Variants in ZFP69 observed in about 807,000 individuals in gnomAD.
ZFP69 encodes the protein zinc finger protein 69 homolog.
A neutral mutation model predicts 48.9 loss-of-function variants in ZFP69; 35 were observed. The ratio of observed to expected loss-of-function variants is 0.72; its 90% CI spans 0.55 to 0.95. The LOEUF (loss-of-function observed/expected upper bound fraction) is 0.95, where lower values mean the gene tolerates loss of function less well. Among genes scored for constraint, ZFP69 ranks in the 40% least tolerant of loss-of-function variants. The probability of loss-of-function intolerance (pLI) is 0.00; values close to 1 mark genes in which losing one functional copy is unlikely to be tolerated. For missense variants in ZFP69, 557 were observed against 638.4 expected (o/e 0.87, Z 1.37); for synonymous variants, 193 against 216.8 (o/e 0.89, Z 0.96).
intron 3 of ZFP69, among the ~76,000 whole-genome samples, chr1:40,483,429 T>C (rs929785122): frequency 2.0e-5 from 3 of 152,054 alleles, no homozygotes; most frequent in African/African-American, 7.2e-5. Flanking sequence ...AGGGTCTTAC[T>C]ATGTTGTCCA....
intron 5 of ZFP69, among the ~76,000 whole-genome samples, chr1:40,489,866 CTTTT>C (rs374820239): frequency 4.3e-5 from 5 of 115,432 alleles, no homozygotes; most frequent in African/African-American, 1.4e-4. Context: ...TTTTCTTTTT[CTTTT>C]TTTTTTTTTT....
At chr1:40,482,217 TAAG>T (rs911398865) in intron 3 of ZFP69, among the ~76,000 whole-genome samples, 1 of 152,070 alleles carries the variant, frequency 6.6e-6, no homozygotes, top group African/African-American at 2.4e-5. Context: ...TCAAAATGTG[TAAG>T]AAGGTTCTTT....
chr1:40,478,771 A>C (rs1383144782), intron 1 of ZFP69, among the ~76,000 whole-genome samples: 3 of 152,132 alleles, frequency 2.0e-5, no homozygotes, highest in Non-Finnish European at 4.4e-5. Context: ...TAGAGCTTTT[A>C]AGTGCAAGTG....
Position 40,496,260 on chromosome 1 carries a change from A to G in ZFP69, c.*201A>G. ...TTAAGATTAAAATCTGGTCCTTAAAATTAAATGAATTCAGCATTATGAAAA... is the reference window on the plus strand; with the variant it reads ...TTAAGATTAAAATCTGGTCCTTAAAGTTAAATGAATTCAGCATTATGAAAA... On this transcript the variant is annotated 3_prime_UTR_variant, in exon 6 of 6. Coordinates refer to ENST00000372706, the MANE Select transcript of ZFP69 (RefSeq NM_001320179.2). The G allele has an allele frequency of 2.3e-6, 1 of 444,066 alleles. No homozygotes were observed. 27.5% of individuals were successfully genotyped at this position (444,066 alleles called of 1,614,324 possible). A position where few individuals can be genotyped will look rare whatever the true frequency, so the allele number is the denominator to read the frequency against.
Position 40,479,324 on chromosome 1 carries a change from C to T in ZFP69, c.-38C>T. On this transcript the variant is annotated 5_prime_UTR_variant, in exon 2 of 6. Transcript: ENST00000372706. ...TCTCATCAAGAGCTTCTGGCAATTT[C>T]CTCACCAGAAGTGGACAAGTCCAGT... 1.2e-6 allele frequency: 2 copies of T among 1,611,260 alleles called. No individual in the cohort carries two copies. The highest frequency in any genetic ancestry group is 1.7e-6 in the Non-Finnish European group (2 of 1,178,786).
In ZFP69 at chr1:40,494,924, TGAA is replaced by T. The variant is rs756500039; in HGVS notation, c.449_451del (p.Lys150del). The T allele has an allele frequency of 6.2e-7, 1 of 1,603,600 alleles. No individual in the cohort carries two copies. Among genetic ancestry groups the T allele is most frequent in the Non-Finnish European group, 8.5e-7 (1 of 1,176,158 alleles). On this transcript the variant is annotated inframe_deletion, in exon 6 of 6. Transcript: ENST00000372706. ...AGCTTTTTTTCATTTCTTTCAGACT[TGAA>T]GAGTAAAATAGAAACCATTGAGTCA...
chr1:40,483,033 C>T (rs1645458108), intron 3 of ZFP69, among the ~76,000 whole-genome samples: 1 of 151,936 alleles, frequency 6.6e-6, no homozygotes, highest in South Asian at 2.1e-4. Context: ...AACATATATT[C>T]TTTTTAAAAA....
chr1:40,494,103 G>A (rs187241361), intron 5 of ZFP69, among the ~76,000 whole-genome samples: 10 of 152,224 alleles, frequency 6.6e-5, no homozygotes, highest in Non-Finnish European at 2.9e-5. Context: ...AATGTCTCCT[G>A]CTGCTGCCAG....
In ZFP69 at chr1:40,482,133, G is replaced by A. The variant is rs144819255; in HGVS notation, c.219+279G>A. Among the ~76,000 whole-genome samples, 204 of 151,538 alleles carry A rather than the reference G, an allele frequency of 1.3e-3. 1 individual carries two copies. The highest frequency in any genetic ancestry group is 4.8e-3 in the African/African-American group (200 of 41,244). ...TTTCTATAAAGAAAGTGAAATGAGA[G>A]ATATAATTCTAGCCCCTAAAAACCA... On this transcript the variant is annotated intron_variant, in intron 3 of 5. Transcript: ENST00000372706.
In ZFP69 at chr1:40,496,009, A is replaced by G. The variant is rs372520998; in HGVS notation, c.1531A>G (p.Ser511Gly). ...GKAFSYNSSL[S>G]RHHEIHRRNA... ...AGCCTTCAGCTATAACTCTTCACTT[A>G]GTCGACATCATGAAATACACAGGAG... Residue 511 changes from serine (S) to glycine (G), a missense_variant, in exon 6 of 6, where the codon AGT (serine) becomes GGT (glycine). Ser to Gly is a moderately conservative substitution (Grantham distance 56). Transcript: ENST00000372706. 2 of 1,611,294 alleles carry G rather than the reference A, an allele frequency of 1.2e-6. No individual in the cohort carries two copies. Among genetic ancestry groups the G allele is most frequent in the African/African-American group, 2.7e-5 (2 of 74,662 alleles).
chr1:40,478,078 G>C (rs527360713), intron 1 of ZFP69, among the ~76,000 whole-genome samples, 184 bp downstream of exon 1: 86 of 151,250 alleles, frequency 5.7e-4, no homozygotes, highest in Non-Finnish European at 1.1e-3. Flanking sequence ...TTTCTCACAA[G>C]CTCCAATTCC....
chr1:40,494,849 ATT>A, intron 5 of ZFP69, 70 bp from the exon 6 acceptor site: 1 of 1,332,148 alleles, frequency 7.5e-7, no homozygotes, highest in East Asian at 2.3e-5. Context: ...ACTTATCCAT[ATT>A]GTTGTCTAAA....
rs1190272801 is a variant in ZFP69 at position 40,481,767 on chromosome 1, G to A, written c.132G>A (p.Leu44=). The change falls in exon 3 of 6, where the codon CTG becomes CTA. Residue 44 remains leucine (L), a synonymous_variant. Transcript: ENST00000372706. ...ATGGCTCTTTTCCTTCCCCAGCTCTGCTGTCTCAGGATGCTGAGGACGTAA... is the reference window on the plus strand; with the variant it reads ...ATGGCTCTTTTCCTTCCCCAGCTCTACTGTCTCAGGATGCTGAGGACGTAA... ...DVTKMFEGEA[L]LSQDAEDVKT... 1.2e-6 allele frequency: 2 copies of A among 1,608,984 alleles called. No individual in the cohort carries two copies. The highest frequency in any genetic ancestry group is 8.5e-7 in the Non-Finnish European group (1 of 1,176,974).
intron 2 of ZFP69, among the ~76,000 whole-genome samples, chr1:40,481,090 A>AGCCAC (rs1260250227): frequency 1.3e-5 from 2 of 152,204 alleles, no homozygotes; most frequent in African/African-American, 4.8e-5. Context: ...TACAGGCATG[A>AGCCAC]GCCACTGCGC....
At position 40,495,161 on chromosome 1, in the gene ZFP69, A is replaced by G. The variant is rs1434381841; in HGVS notation, c.683A>G (p.Glu228Gly). Residue 228 changes from glutamate to glycine, a missense_variant, in exon 6 of 6, where the codon GAA becomes GGA. Transcript: ENST00000372706. ...KRVQETNKFG[E>G]NIIVHSNVII... is the part of the protein sequence containing the mutation. Reference sequence around the variant, plus strand: ...GTCCAAGAAACTAACAAATTTGGGGAAAATATCATTGTGCATTCAAATGTT... The same window carrying G: ...GTCCAAGAAACTAACAAATTTGGGGGAAATATCATTGTGCATTCAAATGTT... 6.2e-7 allele frequency: 1 copy of G among 1,614,148 alleles called. No individual in the cohort carries two copies. The highest frequency in any genetic ancestry group is 1.3e-5 in the African/African-American group (1 of 75,068).
At chr1:40,494,817 A>T in intron 5 of ZFP69, 104 bp from the exon 6 acceptor site, 2 of 1,004,236 alleles carry the variant, frequency 2.0e-6, no homozygotes, top group Non-Finnish European at 2.8e-6. Context: ...AATCATATTT[A>T]AATATAGTCA....
Position 40,496,103 on chromosome 1 carries a change from T to G in ZFP69, c.*44T>G, listed in dbSNP as rs1452822592. 6.6e-7 allele frequency: 1 copy of G among 1,512,836 alleles called. No homozygotes were observed. The highest frequency in any genetic ancestry group is 8.8e-7 in the Non-Finnish European group (1 of 1,133,350). 93.7% of individuals were successfully genotyped at this position (1,512,836 alleles called of 1,614,324 possible). A position where few individuals can be genotyped will look rare whatever the true frequency, so the allele number is the denominator to read the frequency against. ...AGAACAAAAGCCAAGTGTAAATTGG[T>G]GATTTAGAGTGCTTTAAAATTTCAG... On this transcript the variant is annotated 3_prime_UTR_variant, in exon 6 of 6. Transcript: ENST00000372706.
intron 5 of ZFP69, among the ~76,000 whole-genome samples, chr1:40,492,713 T>A (rs1051366625): frequency 2.0e-5 from 3 of 152,212 alleles, no homozygotes; most frequent in Non-Finnish European, 4.4e-5. Context: ...TTAACATTGT[T>A]ATGCTATTGA....
rs375909934 is a variant in ZFP69 at position 40,495,206 on chromosome 1, A to G, written c.728A>G (p.His243Arg). The change falls in exon 6 of 6, where the codon CAT becomes CGT. Residue 243 changes from histidine (H) to arginine (R), a missense_variant. Coordinates refer to ENST00000372706, the MANE Select transcript of ZFP69 (RefSeq NM_001320179.2). ...AATGTTATTATTGAACAGAGGCACCATAAATATGATACACCTACAAAGCGG... is the reference window on the plus strand; with the variant it reads ...AATGTTATTATTGAACAGAGGCACCGTAAATATGATACACCTACAAAGCGG... ...HSNVIIEQRH[H>R]KYDTPTKRNT... The G allele has an allele frequency of 6.2e-7, 1 of 1,614,168 alleles. No homozygotes were observed. Among genetic ancestry groups the G allele is most frequent in the Non-Finnish European group, 8.5e-7 (1 of 1,180,024 alleles).
Sources: allele counts gnomAD v4.1 joint callset (sites outside exome capture counted in the v4.1 genomes callset), GRCh38; gene constraint gnomAD v4.1.1; transcripts MANE v1.5; gene names NCBI Gene and HGNC (gene_info 2026-07-23, HGNC 2026-07-21).